Variants in TOGARAM2 observed in about 807,000 individuals in gnomAD.
TOGARAM2 encodes the protein TOG array regulator of axonemal microtubules protein 2.
In TOGARAM2, 85 loss-of-function variants were observed where a neutral mutation model predicts 93.3. The observed-to-expected ratio is 0.91, with a 90% CI of 0.76 to 1.09. The LOEUF is 1.09. TOGARAM2 is among the 50% of genes least tolerant of loss of function. The pLI is 0.00. For synonymous variants in TOGARAM2, 593 were observed against 552.8 expected (o/e 1.07, Z -1.02); for missense variants, 1,277 against 1,334.5 (o/e 0.96, Z 0.67).
At chr2:29,022,859 A>G (rs778275894) in intron 11 of TOGARAM2, among the ~76,000 whole-genome samples, 1 of 152,206 alleles carries the variant, frequency 6.6e-6, no homozygotes, top group Admixed American at 6.5e-5. Context: ...CAGCACTGTC[A>G]GAGCTGAGGG....
intron 2 of TOGARAM2, among the ~76,000 whole-genome samples, chr2:28,996,049 G>T (rs78645264): frequency 6.6e-6 from 1 of 152,236 alleles, no homozygotes; most frequent in African/African-American, 2.4e-5. Flanking sequence ...GGAAGAGAGA[G>T]TAACACAGGG....
chr2:29,010,306 G>A (rs1184657709), intron 6 of TOGARAM2, among the ~76,000 whole-genome samples: 6 of 152,124 alleles, frequency 3.9e-5, no homozygotes, highest in African/African-American at 7.2e-5. Flanking sequence ...CCTAGTGGGC[G>A]AGCTCCCCAG....
intron 6 of TOGARAM2, among the ~76,000 whole-genome samples, chr2:29,004,393 G>A (rs13007496): frequency 0.74 from 112,268 of 152,194 alleles, 42,919 homozygotes; most frequent in Non-Finnish European, 0.85. Context: ...TGTGTATGGG[G>A]GACAGTCCAC....
At chr2:29,028,778 G>A (rs1558452938) in intron 14 of TOGARAM2, among the ~76,000 whole-genome samples, 1 of 152,164 alleles carries the variant, frequency 6.6e-6, no homozygotes. Context: ...CAACAGGATG[G>A]CAGAGCCAAC....
At chr2:29,047,692 G>A (rs1037329412) in intron 19 of TOGARAM2, 3 of 152,268 alleles carry the variant, frequency 2.0e-5, no homozygotes, top group Non-Finnish European at 4.4e-5. Flanking sequence ...TGGCTCTGAA[G>A]TAGCCTGAGT....
chr2:29,017,418 T>G (rs1664653143), intron 9 of TOGARAM2, 114 bp downstream of exon 9: 1 of 1,083,092 alleles, frequency 9.2e-7, no homozygotes. Context: ...ATTTATGTAT[T>G]TATTTAGAGA....
chr2:28,958,091 C>T (rs1040896294), intron 1 of TOGARAM2, among the ~76,000 whole-genome samples: 1 of 152,074 alleles, frequency 6.6e-6, no homozygotes, highest in African/African-American at 2.4e-5. Flanking sequence ...TTCTAGGAAG[C>T]AAGAGTGATG....
chr2:29,035,007 G>A (rs552178157), intron 16 of TOGARAM2, among the ~76,000 whole-genome samples: 9 of 152,148 alleles, frequency 5.9e-5, no homozygotes, highest in Admixed American at 2.0e-4. Context: ...AAAATTAGCC[G>A]GGCATGGTGA....
chr2:28,965,586 C>G (rs1443855349), intron 1 of TOGARAM2, among the ~76,000 whole-genome samples: 1 of 152,246 alleles, frequency 6.6e-6, no homozygotes, highest in Admixed American at 6.5e-5. Flanking sequence ...AACCCTTTAG[C>G]TCACTGCTTC....
At chr2:29,010,143 G>A (rs1664146962) in intron 6 of TOGARAM2, among the ~76,000 whole-genome samples, 1 of 152,112 alleles carries the variant, frequency 6.6e-6, no homozygotes, top group Non-Finnish European at 1.5e-5. Flanking sequence ...GGCATCCTGT[G>A]CTCACCTCAG....
intron 12 of TOGARAM2, among the ~76,000 whole-genome samples, chr2:29,023,569 C>A (rs1383416041): frequency 6.6e-6 from 1 of 152,140 alleles, no homozygotes; most frequent in African/African-American, 2.4e-5. Context: ...CTAGCTGGGT[C>A]CAGAGAGGCA....
At chr2:28,988,862 C>A (rs1013688719) in intron 1 of TOGARAM2, among the ~76,000 whole-genome samples, 7 of 152,174 alleles carry the variant, frequency 4.6e-5, no homozygotes, top group African/African-American at 1.7e-4. Context: ...ATGGTCACAT[C>A]CAATTGGCTG....
At chr2:29,045,666 C>A in intron 19 of TOGARAM2, 1 of 474,956 alleles carries the variant, frequency 2.1e-6, no homozygotes, top group Non-Finnish European at 3.8e-6. Context: ...TTGAATCTCC[C>A]TAATCAGAAA....
chr2:29,045,013 C>T (rs1372531029), intron 18 of TOGARAM2, among the ~76,000 whole-genome samples: 3 of 152,144 alleles, frequency 2.0e-5, no homozygotes, highest in Non-Finnish European at 4.4e-5. Flanking sequence ...TACCTACCTA[C>T]CTACCTGTCT....
At chr2:28,983,159 T>G (rs991320791) in intron 1 of TOGARAM2, among the ~76,000 whole-genome samples, 2 of 140,364 alleles carry the variant, frequency 1.4e-5, no homozygotes, top group Non-Finnish European at 3.0e-5. Context: ...GGCTAATCTT[T>G]GTGTGTGTGT....
intron 6 of TOGARAM2, among the ~76,000 whole-genome samples, chr2:29,005,969 G>T (rs1663756637): frequency 1.0e-5 from 1 of 99,350 alleles, no homozygotes; most frequent in South Asian, 3.5e-4. Context: ...GTATTTGTGT[G>T]TGAGACCGTA....
intron 10 of TOGARAM2, among the ~76,000 whole-genome samples, chr2:29,019,137 T>C (rs1664772788): frequency 6.6e-6 from 1 of 151,912 alleles, no homozygotes; most frequent in Admixed American, 6.6e-5. Flanking sequence ...AATAATATGA[T>C]TGATACTGAG....
rs185111621 is a variant in TOGARAM2, at chr2:29,004,590, C to T, written c.830+908C>T. ...TGTGAGAGTGAGTGTGTCTGAGTGTCTTTGTGTGTGCACACATGTATGAGT... is the reference window on the plus strand; with the variant it reads ...TGTGAGAGTGAGTGTGTCTGAGTGTTTTTGTGTGTGCACACATGTATGAGT... On this transcript the variant is annotated intron_variant, in intron 6 of 19. Coordinates refer to ENST00000379558, the MANE Select transcript of TOGARAM2 (RefSeq NM_199280.4). Among the ~76,000 whole-genome samples the T allele has an allele frequency of 2.4e-3, 364 of 152,076 alleles. 1 individual carries two copies. Among genetic ancestry groups the T allele is most frequent in the Non-Finnish European group, 4.0e-3 (271 of 67,970 alleles).
In TOGARAM2 at chr2:29,022,158, C is replaced by T; in HGVS notation, c.1361C>T (p.Ala454Val). 6.2e-7 allele frequency: 1 copy of T among 1,614,022 alleles called. No homozygotes were observed. The highest frequency in any genetic ancestry group is 8.5e-7 in the Non-Finnish European group (1 of 1,179,894). Residue 454 changes from alanine to valine, a missense_variant and splice_region_variant, in exon 11 of 20, where the codon GCT becomes GTT. Physicochemically the swap from Ala to Val is moderately conservative, Grantham distance 64. Coordinates refer to ENST00000379558, the MANE Select transcript of TOGARAM2 (RefSeq NM_199280.4). Reference sequence around the variant, plus strand: ...TGCTGTTTCTTTCTTGTGAATGCAGCTAACTCATTACCTGCGGTGCTCACG... The same window carrying T: ...TGCTGTTTCTTTCTTGTGAATGCAGTTAACTCATTACCTGCGGTGCTCACG... The part of the protein sequence containing the change: ...QEPRFARHAS[A>V]NSLPAVLTLG...
Sources: allele counts gnomAD v4.1 joint callset (sites outside exome capture counted in the v4.1 genomes callset), GRCh38; gene constraint gnomAD v4.1.1; transcripts MANE v1.5; gene names NCBI Gene and HGNC (gene_info 2026-07-23, HGNC 2026-07-21).